The following CNTNAP5 variants were observed in gnomAD, a reference collection of about 807,000 sequenced individuals.
CNTNAP5 encodes contactin-associated protein-like 5.
Under a neutral mutation model 150.2 loss-of-function variants are expected in CNTNAP5, and 72 were observed. The observed-to-expected ratio is 0.48, with a 90% CI of 0.40 to 0.58. The LOEUF is 0.58. CNTNAP5 is among the 20% of genes least tolerant of loss of function. CNTNAP5 has a pLI of 0.00. For missense variants in CNTNAP5, 1,636 were observed against 1,626.2 expected, an observed-to-expected ratio of 1.01 and a Z score of -0.10; for synonymous variants, 672 against 619.8, an observed-to-expected ratio of 1.08 and a Z score of -1.25.
rs1461434630 is a variant in CNTNAP5 at position 124,881,321 on chromosome 2, TAAGAATTGGAAGATTTGGGTAATTC to T, written c.3436+11561_3436+11585del. On this transcript the variant is annotated intron_variant, in intron 21 of 23. Transcript: ENST00000682447. Reference sequence around the variant, plus strand: ...GCAGGTGCAGGTGCAGTTTGTAAAATAAGAATTGGAAGATTTGGGTAATTCACTGGGTAGGTGGGTGGCAGAGTAC... The same window carrying T: ...GCAGGTGCAGGTGCAGTTTGTAAAATACTGGGTAGGTGGGTGGCAGAGTAC... Among the ~76,000 whole-genome samples the T allele has an allele frequency of 7.3e-4, 111 of 151,964 alleles. 1 individual carries two copies. Among genetic ancestry groups the T allele is most frequent in the African/African-American group, 2.5e-3 (103 of 41,464 alleles).
chr2:124,316,804 CAAAAAAAAAAAAAA>C lies in CNTNAP5; in HGVS notation c.381+74422_381+74435del, dbSNP rs56812690. ...TGGGTGACAGAGCGAGACTCCATCTCAAAAAAAAAAAAAAAAAAAAAAAAGAAAAAGAAAAAAAA... is the reference window on the plus strand; with the variant it reads ...TGGGTGACAGAGCGAGACTCCATCTCAAAAAAAAAAGAAAAAGAAAAAAAA... On this transcript the variant is annotated intron_variant, in intron 3 of 23. Transcript: ENST00000682447. Among the ~76,000 whole-genome samples the C allele has an allele frequency of 6.9e-3, 378 of 54,810 alleles. 1 individual carries two copies. The highest frequency in any genetic ancestry group is 0.024 in the African/African-American group (361 of 14,832). 36.0% of individuals were successfully genotyped at this position (54,810 alleles called of 152,430 possible).
chr2:124,336,322 C>T (rs1689466023), intron 3 of CNTNAP5, among the ~76,000 whole-genome samples: 1 of 152,130 alleles, frequency 6.6e-6, no homozygotes, highest in South Asian at 2.1e-4. Flanking sequence ...ACTGAACACA[C>T]AAATTGTTAT....
chr2:124,101,374 T>A (rs1416767027), intron 1 of CNTNAP5, among the ~76,000 whole-genome samples: 1 of 152,162 alleles, frequency 6.6e-6, no homozygotes, highest in Non-Finnish European at 1.5e-5. Flanking sequence ...CCCACGCTCA[T>A]TAATAAGAAT....
intron 3 of CNTNAP5, among the ~76,000 whole-genome samples, chr2:124,396,830 A>G (rs376814559): frequency 2.0e-5 from 3 of 152,210 alleles, no homozygotes; most frequent in Non-Finnish European, 2.9e-5. Context: ...AGCAATAACG[A>G]TAACGATAAC....
chr2:124,886,245 G>T (rs1054479290), intron 21 of CNTNAP5, among the ~76,000 whole-genome samples: 2 of 151,980 alleles, frequency 1.3e-5, no homozygotes, highest in Non-Finnish European at 2.9e-5. Context: ...ATAATCATGG[G>T]GTAACATCCC....
At chr2:124,358,254 GA>G (rs1690079998) in intron 3 of CNTNAP5, among the ~76,000 whole-genome samples, 1 of 151,622 alleles carries the variant, frequency 6.6e-6, no homozygotes, top group African/African-American at 2.4e-5. Flanking sequence ...TGCAAACAGG[GA>G]CAATTTGACT....
chr2:124,910,640 T>C (rs1173846499), intron 22 of CNTNAP5, among the ~76,000 whole-genome samples: 1 of 152,020 alleles, frequency 6.6e-6, no homozygotes, highest in Non-Finnish European at 1.5e-5. Flanking sequence ...CTTTCATGAA[T>C]GATCTGTAGG....
intron 6 of CNTNAP5, among the ~76,000 whole-genome samples, chr2:124,461,885 C>A (rs555488702): frequency 7.3e-6 from 1 of 136,672 alleles, no homozygotes; most frequent in Non-Finnish European, 1.6e-5. Flanking sequence ...AAAAAAAAGT[C>A]GTTTTTTATC....
At chr2:124,803,584 C>T (rs1183813990) in intron 19 of CNTNAP5, among the ~76,000 whole-genome samples, 1 of 152,168 alleles carries the variant, frequency 6.6e-6, no homozygotes, top group Non-Finnish European at 1.5e-5. Flanking sequence ...TGCCCTCCAG[C>T]ACCAAATGGT....
chr2:124,781,126 C>A (rs1681441992), intron 17 of CNTNAP5, among the ~76,000 whole-genome samples: 1 of 152,196 alleles, frequency 6.6e-6, no homozygotes, highest in Non-Finnish European at 1.5e-5. Flanking sequence ...CACTCACATT[C>A]TTTTCCTTCC....
intron 5 of CNTNAP5, among the ~76,000 whole-genome samples, chr2:124,435,930 T>C (rs747205059): frequency 6.6e-6 from 1 of 152,122 alleles, no homozygotes. Flanking sequence ...AAGTAGAATA[T>C]CACCTAGAAG....
At chr2:124,594,493 T>G (rs1696775024) in intron 11 of CNTNAP5, among the ~76,000 whole-genome samples, 2 of 151,794 alleles carry the variant, frequency 1.3e-5, no homozygotes, top group South Asian at 4.2e-4. Context: ...TCCATTGATC[T>G]ATATCTCTGT....
chr2:124,142,861 T>A (rs1442397234), intron 1 of CNTNAP5, among the ~76,000 whole-genome samples: 2 of 150,922 alleles, frequency 1.3e-5, no homozygotes, highest in East Asian at 3.9e-4. Flanking sequence ...AGCTGGTTTT[T>A]TGAAAGGATC....
At chr2:124,099,142 C>G (rs537604146) in intron 1 of CNTNAP5, among the ~76,000 whole-genome samples, 2 of 152,174 alleles carry the variant, frequency 1.3e-5, no homozygotes, top group Non-Finnish European at 2.9e-5. Context: ...TTGATGGGTT[C>G]ATTGCTCCTC....
intron 2 of CNTNAP5, among the ~76,000 whole-genome samples, chr2:124,227,275 A>C (rs1290381621): frequency 2.0e-5 from 3 of 152,152 alleles, no homozygotes; most frequent in Non-Finnish European, 2.9e-5. Flanking sequence ...TAATAAATGC[A>C]GTCACAATGG....
chr2:124,472,898 A>G (rs1395480294), intron 6 of CNTNAP5, among the ~76,000 whole-genome samples: 1 of 151,988 alleles, frequency 6.6e-6, no homozygotes, highest in African/African-American at 2.4e-5. Context: ...CAAATCTTCC[A>G]TTCATGAAAA....
chr2:124,195,632 CAT>C (rs1164718938), intron 1 of CNTNAP5, among the ~76,000 whole-genome samples: 4 of 152,182 alleles, frequency 2.6e-5, no homozygotes, highest in Admixed American at 2.6e-4. Flanking sequence ...CACACACACA[CAT>C]AATTCAAAAA....
Position 124,790,024 on chromosome 2 carries a change from G to A in CNTNAP5, c.2875G>A (p.Gly959Ser), listed in dbSNP as rs771762487. 26 of 1,613,922 alleles carry A rather than the reference G, an allele frequency of 1.6e-5. 1 individual carries two copies. The highest frequency in any genetic ancestry group is 1.6e-4 in the Middle Eastern group (1 of 6,062). Reference sequence around the variant, plus strand: ...ATCTGGAGTCAGGCCAGGCTGCCCCGGCCACTGCAGCAGCTACGGCAGCAT... The same window carrying A: ...ATCTGGAGTCAGGCCAGGCTGCCCCAGCCACTGCAGCAGCTACGGCAGCAT... ...VTSGVRPGCP[G>S]HCSSYGSICH... The change falls in exon 18 of 24, where the codon GGC (glycine) becomes AGC (serine). Residue 959 changes from glycine to serine, a missense_variant. Transcript: ENST00000682447.
intron 3 of CNTNAP5, among the ~76,000 whole-genome samples, chr2:124,322,677 A>G (rs773596443): frequency 5.9e-5 from 9 of 152,164 alleles, no homozygotes; most frequent in Non-Finnish European, 1.0e-4. Context: ...AAAATTGACT[A>G]ACAGATATGG....
Sources: gnomAD v4.1 joint callset for allele counts (sites outside exome capture counted in the v4.1 genomes callset) on GRCh38, gnomAD v4.1.1 for gene constraint, MANE v1.5 for transcripts, NCBI Gene and HGNC (gene_info 2026-07-23, HGNC 2026-07-21) for gene names.